RAB44: variants seen among roughly 807,000 people sequenced by gnomAD.
The protein encoded by RAB44 is RAB44, member RAS oncogene family, also known as ras-related protein Rab-44.
In RAB44, 67 loss-of-function variants were observed where a neutral mutation model predicts 93.3. That is an observed-to-expected ratio of 0.72 (90% CI 0.59 to 0.88). The LOEUF is 0.88. RAB44 is among the 40% of genes least tolerant of loss of function. RAB44 has a pLI of 0.00. For synonymous variants in RAB44, 427 were observed against 520.3 expected (o/e 0.82, Z 2.44); for missense variants, 1,064 against 1,261.7 (o/e 0.84, Z 2.37).
At chr6:36,720,011 G>C (rs984175236) in intron 7 of RAB44, among the ~76,000 whole-genome samples, 1 of 152,212 alleles carries the variant, frequency 6.6e-6, no homozygotes, top group Non-Finnish European at 1.5e-5. Flanking sequence ...TGTTGGATCA[G>C]GAGCCCCCTG....
Position 36,704,249 on chromosome 6 carries a change from A to G in RAB44, c.14A>G (p.Gln5Arg). METG[Q>R]RTSRKVRKLG... ...GGCCAACGCACCATGGAGACTGGAC[A>G]GAGAACATCTCGAAAAGTCCGGAAG... Residue 5 changes from glutamine (Q) to arginine (R), a missense_variant, in exon 2 of 14, where the codon CAG becomes CGG. Gln to Arg is a conservative substitution (Grantham distance 43). Transcript: ENST00000612677. 2 of 1,536,152 alleles carry G rather than the reference A, an allele frequency of 1.3e-6. No individual in the cohort carries two copies. The highest frequency in any genetic ancestry group is 8.7e-7 in the Non-Finnish European group (1 of 1,146,894).
At chr6:36,720,672 C>T in intron 8 of RAB44, 122 bp downstream of exon 8, 1 of 767,488 alleles carries the variant, frequency 1.3e-6, no homozygotes. Flanking sequence ...CTTCCTTAAA[C>T]CCCACCCTCT....
chr6:36,717,953 C>G lies in RAB44; in HGVS notation c.642-75C>G. ...AATAGGATGGATTCCAAACCCAAGC[C>G]CAGACTGCCCCTGCCAGCAGCAGGC... On this transcript the variant is annotated intron_variant, in intron 5 of 13. Transcript: ENST00000612677. The surrounding 1 kb of genome is among the most constrained non-coding windows in gnomAD (Gnocchi z 4.1). The G allele has an allele frequency of 3.2e-6, 3 of 933,762 alleles. No individual in the cohort carries two copies. Among genetic ancestry groups the G allele is most frequent in the Non-Finnish European group, 4.2e-6 (3 of 715,826 alleles). The allele number at this position is 933,762 out of a possible 1,614,324, so 57.8% of individuals were successfully genotyped here.
intron 2 of RAB44, among the ~76,000 whole-genome samples, chr6:36,712,295 A>G (rs1762807995): frequency 6.6e-6 from 1 of 152,168 alleles, no homozygotes; most frequent in African/African-American, 2.4e-5. Context: ...AGTAAACACA[A>G]CAACATGAAA....
At chr6:36,723,314 T>C (rs991715460) in intron 9 of RAB44, among the ~76,000 whole-genome samples, 3 of 152,220 alleles carry the variant, frequency 2.0e-5, no homozygotes, top group African/African-American at 7.2e-5. Context: ...TAGTGCTGCC[T>C]TCCTAGAGTG....
At chr6:36,708,566 A>G (rs1582616349) in intron 2 of RAB44, among the ~76,000 whole-genome samples, 1 of 152,350 alleles carries the variant, frequency 6.6e-6, no homozygotes. Flanking sequence ...TTACTTTGTT[A>G]TCTATTTAAT....
At position 36,732,116 on chromosome 6, in the gene RAB44, G is replaced by A. The variant is rs1358568182; in HGVS notation, c.*23G>A. The A allele has an allele frequency of 1.2e-5, 15 of 1,226,472 alleles. No individual in the cohort carries two copies. The highest frequency in any genetic ancestry group is 1.4e-5 in the Non-Finnish European group (14 of 981,070). 76.0% of individuals were successfully genotyped at this position (1,226,472 alleles called of 1,614,324 possible). Reference sequence around the variant, plus strand: ...TGATCACCTGTCCTGTCCTGGGTAGGATGGACACCCATGGGGTTTCCTGTC... The same window carrying A: ...TGATCACCTGTCCTGTCCTGGGTAGAATGGACACCCATGGGGTTTCCTGTC... On this transcript the variant is annotated 3_prime_UTR_variant, in exon 14 of 14. Coordinates refer to ENST00000612677, the MANE Select transcript of RAB44 (RefSeq NM_001257357.2).
At position 36,721,527 on chromosome 6, in the gene RAB44, G is replaced by A. The variant is rs565118318; in HGVS notation, c.1393G>A (p.Asp465Asn). 6 of 1,234,454 alleles carry A rather than the reference G, an allele frequency of 4.9e-6. No homozygotes were observed. The highest frequency in any genetic ancestry group is 4.2e-5 in the Admixed American group (1 of 23,724). 76.5% of individuals were successfully genotyped at this position (1,234,454 alleles called of 1,614,324 possible). The change falls in exon 9 of 14, where the codon GAC becomes AAC. Residue 465 changes from aspartate (D) to asparagine (N), a missense_variant. By Grantham distance (23) the Asp-to-Asn change is conservative. Transcript: ENST00000612677. ...IRAEQPVEPHDPDPNQEPGST... is the reference protein window; with the variant it reads ...IRAEQPVEPHNPDPNQEPGST... ...AGCAGAGCAGCCTGTTGAACCGCAC[G>A]ACCCGGACCCCAACCAGGAGCCAGG...
rs531111829 is a variant in RAB44 at position 36,727,702 on chromosome 6, G to T, written c.2796+11G>T. 4.6e-6 allele frequency: 7 copies of T among 1,534,320 alleles called. No individual in the cohort carries two copies. The African/African-American group carries it at 9.6e-5, about 21-fold the overall frequency. On this transcript the variant is annotated intron_variant, in intron 11 of 13. Transcript: ENST00000612677. ...CTAGACTGTCTCCAGGTGAGCAGAT[G>T]GCTGCTGGGGTTGGCCCCAGTCCCT...
chr6:36,730,786 C>G (rs373044133), intron 13 of RAB44, 37 bp downstream of exon 13: 210 of 1,091,850 alleles, frequency 1.9e-4, no homozygotes, highest in African/African-American at 1.2e-3. Context: ...CCCACCCCCC[C>G]CCTTGCAGAA....
chr6:36,715,591 TGAG>T lies in RAB44; in HGVS notation c.436_438del (p.Glu146del), dbSNP rs1250962950. ...TCCCAGCTCTGGAGGAGGCGGATGC[TGAG>T]GAGAAGGAGGCGTTCCTTGCCTTCA... On this transcript the variant is annotated inframe_deletion, in exon 4 of 14. Coordinates refer to ENST00000612677, the MANE Select transcript of RAB44 (RefSeq NM_001257357.2). 2.6e-6 allele frequency: 4 copies of T among 1,536,178 alleles called. No individual in the cohort carries two copies. The highest frequency in any genetic ancestry group is 1.2e-5 in the South Asian group (1 of 84,066).
rs530309374 is a variant in RAB44, at chr6:36,722,714, C to G, written c.2580C>G (p.Thr860=). ...LHLLHQNSFA[T]GLTATVGVDF... Reference sequence around the variant, plus strand: ...TGCTGCACCAGAATTCTTTCGCCACCGGATTGACAGCTACCGTGGGTAAGG... The same window carrying G: ...TGCTGCACCAGAATTCTTTCGCCACGGGATTGACAGCTACCGTGGGTAAGG... Residue 860 remains threonine, a synonymous_variant, in exon 9 of 14, where the codon ACC becomes ACG. Transcript: ENST00000612677. 6.4e-7 allele frequency: 1 copy of G among 1,550,484 alleles called. No individual in the cohort carries two copies. The highest frequency in any genetic ancestry group is 2.0e-5 in the Admixed American group (1 of 50,984).
At position 36,722,579 on chromosome 6, in the gene RAB44, A is replaced by G. The variant is rs1434091830; in HGVS notation, c.2445A>G (p.Pro815=). ...ACTCCAGGGAAGCTGGGCTGACCCC[A>G]TCCCCGGGAGACCCCATGGCTGGAG... ...GMDSREAGLT[P]SPGDPMAGGG... The change falls in exon 9 of 14, where the codon CCA becomes CCG. Residue 815 remains proline (P), a synonymous_variant. Transcript: ENST00000612677. 2 of 1,550,256 alleles carry G rather than the reference A, an allele frequency of 1.3e-6. No individual in the cohort carries two copies. The highest frequency in any genetic ancestry group is 1.7e-6 in the Non-Finnish European group (2 of 1,146,862).
rs746376625 is a variant in RAB44, at chr6:36,704,251, A to G, written c.16A>G (p.Arg6Gly). The G allele has an allele frequency of 3.6e-5, 55 of 1,536,006 alleles. 1 individual carries two copies. The highest frequency in any genetic ancestry group is 1.4e-5 in the African/African-American group (1 of 73,038). The change falls in exon 2 of 14, where the codon AGA (arginine) becomes GGA (glycine). Residue 6 changes from arginine (R) to glycine (G), a missense_variant. Transcript: ENST00000612677. The part of the protein sequence containing the change: METGQ[R>G]TSRKVRKLGS... ...CCAACGCACCATGGAGACTGGACAG[A>G]GAACATCTCGAAAAGTCCGGAAGCT...
chr6:36,729,465 AT>A (rs759162607), intron 12 of RAB44, among the ~76,000 whole-genome samples: 2 of 148,038 alleles, frequency 1.4e-5, no homozygotes, highest in Non-Finnish European at 3.0e-5. Context: ...CTGGAAGGGA[AT>A]TTTTTTTCTT....
intron 1 of RAB44, among the ~76,000 whole-genome samples, chr6:36,698,598 T>A (rs927103374): frequency 8.9e-4 from 136 of 152,212 alleles, no homozygotes; most frequent in African/African-American, 3.1e-3. Flanking sequence ...GAGGTGGTCA[T>A]GCTGAGGGGC....
In RAB44 at chr6:36,722,053, C is replaced by A; in HGVS notation, c.1919C>A (p.Ala640Glu). 2 of 1,234,468 alleles carry A rather than the reference C, an allele frequency of 1.6e-6. No individual in the cohort carries two copies. Among genetic ancestry groups the A allele is most frequent in the Non-Finnish European group, 2.0e-6 (2 of 988,400 alleles). The allele number at this position is 1,234,468 out of a possible 1,614,324, so 76.5% of individuals were successfully genotyped here. A position where few individuals can be genotyped will look rare whatever the true frequency, so the allele number is the denominator to read the frequency against. The change falls in exon 9 of 14, where the codon GCG becomes GAG. Residue 640 changes from alanine (A) to glutamate (E), a missense_variant. Ala to Glu is a moderately radical substitution (Grantham distance 107, BLOSUM62 -1). Transcript: ENST00000612677. ...ERLEQGQAGP[A>E]VQEGLPEGLR... ...CTGGAGCAGGGCCAGGCGGGCCCAG[C>A]GGTGCAGGAGGGCCTTCCTGAGGGG...
chr6:36,732,409 A>T lies in RAB44; in HGVS notation c.*316A>T. 4 of 146,944 alleles carry T rather than the reference A, an allele frequency of 2.7e-5. No homozygotes were observed. The highest frequency in any genetic ancestry group is 5.6e-5 in the Non-Finnish European group (4 of 71,140). 9.1% of individuals were successfully genotyped at this position (146,944 alleles called of 1,614,324 possible). A position where few individuals can be genotyped will look rare whatever the true frequency, so the allele number is the denominator to read the frequency against. The stretch of plus-strand genomic sequence containing the variant: ...CGCACATCTGTGGGTGTAAAATTTT[A>T]GGGAGAATGTGGGGGGGGGGTGTTA... On this transcript the variant is annotated 3_prime_UTR_variant, in exon 14 of 14. Transcript: ENST00000612677.
rs1287312000 is a variant in RAB44, at chr6:36,732,546, C to A, written c.*453C>A. 1 of 152,118 alleles carries A rather than the reference C, an allele frequency of 6.6e-6. No homozygotes were observed. Among genetic ancestry groups the A allele is most frequent in the Admixed American group, 6.6e-5 (1 of 15,266 alleles). 9.4% of individuals were successfully genotyped at this position (152,118 alleles called of 1,614,324 possible). On this transcript the variant is annotated 3_prime_UTR_variant, in exon 14 of 14. Transcript: ENST00000612677. ...GAGGAGAGAAACTTCCCAAGGAGCT[C>A]CCTTGGGTGCTGCTGGCTCCTAATT...
Sources: gnomAD v4.1 joint callset for allele counts (sites outside exome capture counted in the v4.1 genomes callset) on GRCh38, gnomAD v4.1.1 for gene constraint, Gnocchi (gnomAD v3.1) non-coding constraint, MANE v1.5 for transcripts, NCBI Gene and HGNC (gene_info 2026-07-23, HGNC 2026-07-21) for gene names.